The following TBC1D5 variants were observed in gnomAD, a reference collection of about 807,000 sequenced individuals.
TBC1D5 encodes TBC1 domain family, member 5.
A neutral mutation model predicts 100.3 loss-of-function variants in TBC1D5; 75 were observed. The observed-to-expected ratio is 0.75, with a 90% CI of 0.62 to 0.91. TBC1D5 has a LOEUF of 0.91. Ranked by LOEUF, TBC1D5 falls within the 40% of genes least tolerant of loss-of-function variation. The pLI is 0.00. For missense variants in TBC1D5, 910 were observed against 942.4 expected, an observed-to-expected ratio of 0.97 and a Z score of 0.45; for synonymous variants, 323 against 325.6, an observed-to-expected ratio of 0.99 and a Z score of 0.09.
At chr3:17,194,599 A>G (rs997858000) in intron 18 of TBC1D5, among the ~76,000 whole-genome samples, 1 of 152,238 alleles carries the variant, frequency 6.6e-6, no homozygotes, top group Non-Finnish European at 1.5e-5. Context: ...TCAGAGAATA[A>G]AAGATGCTTT....
chr3:17,492,154 T>A (rs771612799), intron 3 of TBC1D5, among the ~76,000 whole-genome samples: 4 of 152,136 alleles, frequency 2.6e-5, no homozygotes, highest in Non-Finnish European at 4.4e-5. Context: ...CCCTTTATCA[T>A]TTTTTATTGT....
At chr3:17,554,002 A>G (rs1338887543) in intron 2 of TBC1D5, among the ~76,000 whole-genome samples, 1 of 152,166 alleles carries the variant, frequency 6.6e-6, no homozygotes, top group African/African-American at 2.4e-5. Context: ...CTACTACGTC[A>G]GTTTAAGGAT....
chr3:17,609,400 A>G (rs917086696), intron 2 of TBC1D5, among the ~76,000 whole-genome samples: 4 of 152,146 alleles, frequency 2.6e-5, no homozygotes, highest in African/African-American at 4.8e-5. Context: ...CCAAGCCTTT[A>G]TACTCCTTGA....
chr3:17,642,741 T>C (rs965283192), intron 1 of TBC1D5, among the ~76,000 whole-genome samples: 1 of 152,158 alleles, frequency 6.6e-6, no homozygotes, highest in African/African-American at 2.4e-5. Flanking sequence ...AGACATTTCA[T>C]TACTAAAACT....
chr3:17,399,427 A>G (rs1246339438), intron 8 of TBC1D5, among the ~76,000 whole-genome samples: 1 of 152,106 alleles, frequency 6.6e-6, no homozygotes, highest in East Asian at 1.9e-4. Context: ...AGAAAACTAC[A>G]CATAATGATC....
chr3:17,435,972 C>T (rs918807172), intron 3 of TBC1D5, among the ~76,000 whole-genome samples: 3 of 152,186 alleles, frequency 2.0e-5, no homozygotes, highest in African/African-American at 7.2e-5. Flanking sequence ...AGCCAGTCTG[C>T]AAAGACAGGA....
chr3:17,709,438 T>G (rs1237241580), intron 1 of TBC1D5, among the ~76,000 whole-genome samples: 4 of 152,216 alleles, frequency 2.6e-5, no homozygotes, highest in Non-Finnish European at 5.9e-5. Context: ...AGAAATTAGA[T>G]ACACAATTTC....
chr3:17,492,838 T>A (rs541949608), intron 3 of TBC1D5, among the ~76,000 whole-genome samples: 1 of 152,332 alleles, frequency 6.6e-6, no homozygotes, highest in African/African-American at 2.4e-5. Flanking sequence ...CTGAATTGCA[T>A]TATTTACTCA....
intron 9 of TBC1D5, among the ~76,000 whole-genome samples, chr3:17,380,583 T>C (rs929175712): frequency 6.6e-6 from 1 of 152,110 alleles, no homozygotes; most frequent in Admixed American, 6.6e-5. Context: ...TCCACCTATA[T>C]TGTCAGCATT....
intron 2 of TBC1D5, among the ~76,000 whole-genome samples, chr3:17,522,510 G>C (rs60140283): frequency 0.069 from 10,477 of 152,000 alleles, 707 homozygotes; most frequent in African/African-American, 0.18. Context: ...AACATAAAGG[G>C]TCTATGGTGA....
chr3:17,258,947 A>ATGG (rs1175324533), intron 15 of TBC1D5, among the ~76,000 whole-genome samples: 1 of 152,190 alleles, frequency 6.6e-6, no homozygotes, highest in Non-Finnish European at 1.5e-5. Context: ...AGGGATGGAG[A>ATGG]GACATAAGGT....
chr3:17,678,447 A>T (rs112046832), intron 1 of TBC1D5, among the ~76,000 whole-genome samples: 1 of 152,260 alleles, frequency 6.6e-6, no homozygotes, highest in African/African-American at 2.4e-5. Flanking sequence ...CACAAGGACA[A>T]AAAAGTGGAA....
chr3:17,709,698 A>G (rs1341637484), intron 1 of TBC1D5, among the ~76,000 whole-genome samples: 1 of 152,230 alleles, frequency 6.6e-6, no homozygotes, highest in Non-Finnish European at 1.5e-5. Flanking sequence ...AATACCAGAA[A>G]GACAGAAAAG....
chr3:17,305,511 G>GT (rs1451617568), intron 14 of TBC1D5, among the ~76,000 whole-genome samples: 2 of 152,124 alleles, frequency 1.3e-5, no homozygotes, highest in Non-Finnish European at 2.9e-5. Flanking sequence ...TGTGGTGATG[G>GT]TTTTAACAAA....
intron 18 of TBC1D5, among the ~76,000 whole-genome samples, chr3:17,210,642 T>G (rs1384853338): frequency 6.6e-6 from 1 of 152,248 alleles, no homozygotes; most frequent in Non-Finnish European, 1.5e-5. Flanking sequence ...ATTTCTGAAC[T>G]TTTTCAGTAA....
chr3:17,532,034 C>T (rs1401473379), intron 2 of TBC1D5, among the ~76,000 whole-genome samples: 1 of 152,136 alleles, frequency 6.6e-6, no homozygotes, highest in Middle Eastern at 3.2e-3. Flanking sequence ...AAACTACCGT[C>T]AGAGTGAAAA....
At chr3:17,545,171 T>C (rs957496240) in intron 2 of TBC1D5, among the ~76,000 whole-genome samples, 1 of 152,130 alleles carries the variant, frequency 6.6e-6, no homozygotes, top group Non-Finnish European at 1.5e-5. Context: ...GTAACCTCAG[T>C]GTGTGACTTT....
At chr3:17,722,808 T>G (rs2153969385) in intron 1 of TBC1D5, among the ~76,000 whole-genome samples, 2 of 152,336 alleles carry the variant, frequency 1.3e-5, no homozygotes, top group East Asian at 1.9e-4. Context: ...TAAGGTCTGT[T>G]TGCTCTTCCC....
chr3:17,307,892 T>A, intron 14 of TBC1D5, 100 bp downstream of exon 14: 1 of 1,479,732 alleles, frequency 6.8e-7, no homozygotes, highest in Non-Finnish European at 9.1e-7. Flanking sequence ...TTGAGGTACA[T>A]GCAAATCAAA....
Sources: allele counts gnomAD v4.1 joint callset (sites outside exome capture counted in the v4.1 genomes callset), GRCh38; gene constraint gnomAD v4.1.1; transcripts MANE v1.5; gene names NCBI Gene and HGNC (gene_info 2026-07-23, HGNC 2026-07-21).